The following ASIC2 variants were observed in gnomAD, a reference collection of about 807,000 sequenced individuals.
ASIC2 encodes the protein acid-sensing ion channel 2.
A neutral mutation model predicts 57.3 loss-of-function variants in ASIC2; 25 were observed. The observed-to-expected ratio is 0.44, with a 90% CI of 0.32 to 0.61. The LOEUF (loss-of-function observed/expected upper bound fraction) is 0.61, where lower values mean the gene tolerates loss of function less well. Among genes scored for constraint, ASIC2 ranks in the 20% least tolerant of loss-of-function variants. ASIC2 has a pLI of 0.06. For synonymous variants in ASIC2, 319 were observed against 307.5 expected, an observed-to-expected ratio of 1.04 and a Z score of -0.39; for missense variants, 641 against 738.1, an observed-to-expected ratio of 0.87 and a Z score of 1.52.
chr17:34,152,477 T>C (rs1438425555), intron 1 of ASIC2, among the ~76,000 whole-genome samples: 2 of 152,162 alleles, frequency 1.3e-5, no homozygotes, highest in African/African-American at 4.8e-5. Context: ...AGGTTGGATG[T>C]AAACCCACTG....
At chr17:33,731,311 G>A (rs1909735230) in intron 1 of ASIC2, among the ~76,000 whole-genome samples, 1 of 152,146 alleles carries the variant, frequency 6.6e-6, no homozygotes, top group African/African-American at 2.4e-5. Context: ...CATTGCCATA[G>A]GAGTGCTATA....
intron 1 of ASIC2, among the ~76,000 whole-genome samples, chr17:33,406,788 C>G (rs561667033): frequency 4.6e-5 from 7 of 152,034 alleles, no homozygotes; most frequent in Non-Finnish European, 1.0e-4. Context: ...TATTCCTACC[C>G]CTAAAGAGTT....
chr17:33,705,216 A>C (rs1908827743), intron 1 of ASIC2, among the ~76,000 whole-genome samples: 1 of 152,232 alleles, frequency 6.6e-6, no homozygotes, highest in African/African-American at 2.4e-5. Context: ...ATGGAGTTAG[A>C]TAATATAGAA....
chr17:33,553,032 C>T (rs928778232), intron 1 of ASIC2, among the ~76,000 whole-genome samples: 16 of 152,158 alleles, frequency 1.1e-4, no homozygotes, highest in African/African-American at 3.9e-4. Flanking sequence ...ATTTGAGTCA[C>T]TTGTTCTTTG....
chr17:33,572,999 T>A (rs1916500541), intron 1 of ASIC2, among the ~76,000 whole-genome samples: 1 of 152,222 alleles, frequency 6.6e-6, no homozygotes, highest in African/African-American at 2.4e-5. Flanking sequence ...TGAACAAGGA[T>A]CCTGAATCTT....
chr17:33,811,243 C>T (rs578014249), intron 1 of ASIC2, among the ~76,000 whole-genome samples: 1 of 152,334 alleles, frequency 6.6e-6, no homozygotes, highest in Non-Finnish European at 1.5e-5. Context: ...TCACTTCTGG[C>T]CCTGCTCTTC....
At chr17:34,029,571 A>T (rs1463995803) in intron 1 of ASIC2, among the ~76,000 whole-genome samples, 1 of 152,168 alleles carries the variant, frequency 6.6e-6, no homozygotes, top group African/African-American at 2.4e-5. Context: ...GTATTTGGAG[A>T]TAGGATCTTT....
intron 1 of ASIC2, among the ~76,000 whole-genome samples, chr17:34,014,381 G>A (rs1906871561): frequency 6.6e-6 from 1 of 152,158 alleles, no homozygotes; most frequent in African/African-American, 2.4e-5. Context: ...TCCCTCATCT[G>A]GCAGTAAGTT....
chr17:33,815,439 C>T (rs548002359), intron 1 of ASIC2, among the ~76,000 whole-genome samples: 5 of 152,336 alleles, frequency 3.3e-5, no homozygotes, highest in African/African-American at 9.6e-5. Flanking sequence ...AGCCCAAACC[C>T]ATTGTGTCCA....
At chr17:34,106,192 G>A (rs1426211011) in intron 1 of ASIC2, among the ~76,000 whole-genome samples, 1 of 152,026 alleles carries the variant, frequency 6.6e-6, no homozygotes, top group Non-Finnish European at 1.5e-5. Context: ...CACTATCTTA[G>A]GATATCACAA....
At chr17:34,077,445 C>T (rs1909711468) in intron 1 of ASIC2, among the ~76,000 whole-genome samples, 1 of 152,130 alleles carries the variant, frequency 6.6e-6, no homozygotes, top group African/African-American at 2.4e-5. Context: ...GCTGTGAAGC[C>T]AGCAACACGA....
intron 1 of ASIC2, among the ~76,000 whole-genome samples, chr17:33,892,120 G>A (rs1242055307): frequency 1.3e-5 from 2 of 152,132 alleles, no homozygotes; most frequent in African/African-American, 2.4e-5. Flanking sequence ...GAATAAACTC[G>A]GCAAGGTTCT....
intron 1 of ASIC2, among the ~76,000 whole-genome samples, chr17:34,062,934 A>G (rs1598001271): frequency 6.6e-6 from 1 of 152,182 alleles, no homozygotes; most frequent in African/African-American, 2.4e-5. Flanking sequence ...GAATTCTACA[A>G]GACATTCAAA....
At chr17:33,899,995 C>A (rs1252490287) in intron 1 of ASIC2, among the ~76,000 whole-genome samples, 1 of 152,178 alleles carries the variant, frequency 6.6e-6, no homozygotes, top group Non-Finnish European at 1.5e-5. Flanking sequence ...GTATCCTGTG[C>A]TTACTTCTGG....
At chr17:33,434,643 T>C (rs1779890547) in intron 1 of ASIC2, among the ~76,000 whole-genome samples, 1 of 152,208 alleles carries the variant, frequency 6.6e-6, no homozygotes, top group South Asian at 2.1e-4. Context: ...AGGTAACTCA[T>C]CGATATACAA....
intron 1 of ASIC2, among the ~76,000 whole-genome samples, chr17:33,652,745 G>A (rs1012251602): frequency 6.6e-6 from 1 of 152,250 alleles, no homozygotes; most frequent in African/African-American, 2.4e-5. Flanking sequence ...TCTCAGGGAA[G>A]CTGCCGCCTT....
chr17:33,082,075 A>T lies in ASIC2; in HGVS notation c.987+6788T>A, dbSNP rs115160072. ...GGAATGGAAACCCTTCTCATTCCTG[A>T]TGGTTTCCAGCTGGTAGTGAAAGAG... is the stretch of plus-strand genomic sequence containing the variant. On this transcript the variant is annotated intron_variant, in intron 3 of 9. Coordinates refer to ENST00000225823, the MANE Select transcript of ASIC2 (RefSeq NM_183377.2). 4.9e-3 allele frequency among the ~76,000 whole-genome samples: 741 copies of T among 152,216 alleles called. 10 individuals carry two copies. The highest frequency in any genetic ancestry group is 0.016 in the African/African-American group (682 of 41,532).
In ASIC2 at chr17:33,746,653, T is replaced by C. The variant is rs1208926803; in HGVS notation, c.555+409325A>G. Among the ~76,000 whole-genome samples the C allele has an allele frequency of 5.9e-5, 9 of 151,962 alleles. No individual in the cohort carries two copies. The East Asian group carries it at 1.6e-3, about 26-fold the overall frequency. The stretch of plus-strand genomic sequence containing the variant: ...GTTAGAGGCTTTAATACCACACTTT[T>C]AATAATGGATAGAACTCAAGGGAAG... On this transcript the variant is annotated intron_variant, in intron 1 of 9. Transcript: ENST00000359872.
intron 1 of ASIC2, among the ~76,000 whole-genome samples, chr17:33,481,785 C>T (rs1913414938): frequency 6.6e-6 from 1 of 152,156 alleles, no homozygotes; most frequent in South Asian, 2.1e-4. Flanking sequence ...GCCTTATCTC[C>T]CCTATCCACA....
Sources: gnomAD v4.1 joint callset for allele counts (sites outside exome capture counted in the v4.1 genomes callset) on GRCh38, gnomAD v4.1.1 for gene constraint, MANE v1.5 for transcripts, NCBI Gene and HGNC (gene_info 2026-07-23, HGNC 2026-07-21) for gene names.